PDE4D: variants seen among roughly 807,000 people sequenced by gnomAD.
The protein encoded by PDE4D is 3',5'-cyclic-AMP phosphodiesterase 4D.
In PDE4D, 24 loss-of-function variants were observed where a neutral mutation model predicts 87.4. The observed-to-expected ratio is 0.27, with a 90% confidence interval of 0.20 to 0.39. PDE4D has a LOEUF of 0.39. Ranked by LOEUF, PDE4D falls within the 10% of genes least tolerant of loss-of-function variation. The pLI is 1.00. For missense variants in PDE4D, 714 were observed against 1,041.0 expected, an observed-to-expected ratio of 0.69 and a Z score of 4.32; for synonymous variants, 384 against 383.2, an observed-to-expected ratio of 1.00 and a Z score of -0.02.
chr5:59,160,769 T>G (rs1407874078), intron 5 of PDE4D, among the ~76,000 whole-genome samples: 1 of 152,124 alleles, frequency 6.6e-6, no homozygotes, highest in Non-Finnish European at 1.5e-5. Context: ...AGGCGTAATA[T>G]GCCTGTGATT....
At chr5:59,000,174 T>C (rs1750199981) in intron 6 of PDE4D, among the ~76,000 whole-genome samples, 1 of 152,164 alleles carries the variant, frequency 6.6e-6, no homozygotes, top group South Asian at 2.1e-4. Context: ...GGCTTCCCTC[T>C]TGCAGTGATG....
intron 1 of PDE4D, among the ~76,000 whole-genome samples, chr5:59,251,681 T>C (rs151180105): frequency 3.3e-5 from 5 of 152,102 alleles, no homozygotes; most frequent in African/African-American, 1.2e-4. Flanking sequence ...ACTGGGCATA[T>C]TCCCAGAGGA....
chr5:59,862,846 A>G (rs540600494), intron 1 of PDE4D, among the ~76,000 whole-genome samples: 1 of 152,362 alleles, frequency 6.6e-6, no homozygotes, highest in East Asian at 1.9e-4. Flanking sequence ...AAGCAGTTTT[A>G]CAGCTTCTGT....
chr5:60,454,412 A>G (rs1402544124), intron 1 of PDE4D, among the ~76,000 whole-genome samples: 2 of 152,242 alleles, frequency 1.3e-5, no homozygotes, highest in African/African-American at 4.8e-5. Flanking sequence ...ATGCCGATCA[A>G]TGATAGACTG....
chr5:60,316,019 T>C (rs1020857427), intron 1 of PDE4D, among the ~76,000 whole-genome samples: 4 of 152,220 alleles, frequency 2.6e-5, no homozygotes, highest in African/African-American at 4.8e-5. Flanking sequence ...TCCAATTCTT[T>C]GAAGAAAGTC....
chr5:60,002,405 C>G (rs966829017), intron 2 of PDE4D, among the ~76,000 whole-genome samples: 2 of 152,062 alleles, frequency 1.3e-5, no homozygotes, highest in Non-Finnish European at 2.9e-5. Context: ...GGGAACACTT[C>G]CAAATTCATT....
intron 2 of PDE4D, among the ~76,000 whole-genome samples, chr5:60,106,868 G>A (rs1437499128): frequency 6.6e-6 from 1 of 151,430 alleles, no homozygotes; most frequent in Non-Finnish European, 1.5e-5. Flanking sequence ...AGTGTGTAGA[G>A]GGAAATTTAT....
intron 3 of PDE4D, among the ~76,000 whole-genome samples, chr5:59,968,617 C>T (rs1201733769): frequency 6.6e-6 from 1 of 151,990 alleles, no homozygotes; most frequent in Admixed American, 6.5e-5. Context: ...TATAACAGCC[C>T]TCCATCATTA....
chr5:59,261,312 C>T (rs1439405990), intron 1 of PDE4D, among the ~76,000 whole-genome samples: 3 of 151,766 alleles, frequency 2.0e-5, no homozygotes, highest in South Asian at 2.1e-4. Flanking sequence ...AATGGCCTTA[C>T]TTATTAATGC....
At chr5:60,080,076 T>C (rs1033332568) in intron 2 of PDE4D, among the ~76,000 whole-genome samples, 2 of 152,200 alleles carry the variant, frequency 1.3e-5, no homozygotes, top group African/African-American at 4.8e-5. Flanking sequence ...TAGTTCTCCT[T>C]GAAGAGGTCC....
intron 5 of PDE4D, among the ~76,000 whole-genome samples, chr5:59,062,662 T>C (rs371172194): frequency 1.3e-4 from 19 of 150,684 alleles, no homozygotes; most frequent in African/African-American, 4.6e-4. Context: ...AGAGTGATAC[T>C]GCAAATGAGG....
At chr5:60,034,441 C>T (rs1012570481) in intron 2 of PDE4D, among the ~76,000 whole-genome samples, 2 of 152,096 alleles carry the variant, frequency 1.3e-5, no homozygotes, top group East Asian at 1.9e-4. Flanking sequence ...CCTTGGCTTG[C>T]GGCTTCACAC....
At chr5:60,478,859 CATAAACATACACATCTTTGT>C (rs1748518815) in intron 1 of PDE4D, among the ~76,000 whole-genome samples, 2 of 152,142 alleles carry the variant, frequency 1.3e-5, no homozygotes, top group Non-Finnish European at 2.9e-5. Context: ...TATTCTTTTC[CATAAACATACACATCTTTGT>C]ATGAGGAGAA....
At chr5:59,832,038 G>A (rs1191214096) in intron 1 of PDE4D, among the ~76,000 whole-genome samples, 2 of 152,040 alleles carry the variant, frequency 1.3e-5, no homozygotes, top group African/African-American at 4.8e-5. Context: ...AGTAAACACT[G>A]GGGTAACCCA....
intron 1 of PDE4D, among the ~76,000 whole-genome samples, chr5:60,315,722 A>T (rs1003963038): frequency 1.3e-5 from 2 of 152,206 alleles, no homozygotes; most frequent in African/African-American, 4.8e-5. Flanking sequence ...CAGTTTTCCC[A>T]GTGCCATTTA....
At chr5:59,918,630 G>A in intron 3 of PDE4D, among the ~76,000 whole-genome samples, 1 of 152,164 alleles carries the variant, frequency 6.6e-6, no homozygotes, top group East Asian at 1.9e-4. Flanking sequence ...GTTGTAAAGG[G>A]TCTATGGCGA....
At chr5:60,050,356 G>C (rs1769971361) in intron 2 of PDE4D, among the ~76,000 whole-genome samples, 1 of 151,980 alleles carries the variant, frequency 6.6e-6, no homozygotes, top group Admixed American at 6.5e-5. Context: ...TTGTAGACCA[G>C]AGCTGTTCCT....
intron 1 of PDE4D, among the ~76,000 whole-genome samples, chr5:59,240,313 T>C (rs1235972313): frequency 6.6e-6 from 1 of 152,174 alleles, no homozygotes; most frequent in Non-Finnish European, 1.5e-5. Flanking sequence ...ATTTTCCTAT[T>C]ATAAACTAGT....
At chr5:60,206,787 T>C (rs2149560482) in intron 1 of PDE4D, among the ~76,000 whole-genome samples, 1 of 152,346 alleles carries the variant, frequency 6.6e-6, no homozygotes, top group Non-Finnish European at 1.5e-5. Flanking sequence ...GTAGGGCATC[T>C]CTTAATAAAA....
Sources: gnomAD v4.1 joint callset for allele counts (sites outside exome capture counted in the v4.1 genomes callset) on GRCh38, gnomAD v4.1.1 for gene constraint, MANE v1.5 for transcripts, NCBI Gene and HGNC (gene_info 2026-07-23, HGNC 2026-07-21) for gene names.